The following PCDHGA5 variants were observed in gnomAD, a reference collection of about 807,000 sequenced individuals.
PCDHGA5 encodes the protein protocadherin gamma-A5.
Under a neutral mutation model 56.7 loss-of-function variants are expected in PCDHGA5, and 36 were observed. The ratio of observed to expected loss-of-function variants is 0.64; its 90% CI spans 0.49 to 0.84. The LOEUF is 0.84. PCDHGA5 is among the 40% of genes least tolerant of loss of function. The pLI is 0.00. For synonymous variants in PCDHGA5, 563 were observed against 520.2 expected (o/e 1.08, Z -1.12); for missense variants, 1,305 against 1,201.5 (o/e 1.09, Z -1.27).
chr5:141,501,453 C>T (rs567794395), intron 2 of PCDHGA5, among the ~76,000 whole-genome samples: 1 of 152,094 alleles, frequency 6.6e-6, no homozygotes, highest in Non-Finnish European at 1.5e-5. Flanking sequence ...TTTTACTTTT[C>T]ACTATTCCCC....
rs17097294 is a variant in PCDHGA5 at position 141,425,513 on chromosome 5, T to G, written c.2421+58762T>G. On this transcript the variant is annotated intron_variant, in intron 1 of 3. Coordinates refer to ENST00000518069, the MANE Select transcript of PCDHGA5 (RefSeq NM_018918.3). ...AGGCTATACCTTTATATTCTCTTTA[T>G]GATGAAACATGAAACAATAATCCTT... Among the ~76,000 whole-genome samples, 699 of 152,380 alleles carry G rather than the reference T, an allele frequency of 4.6e-3. 4 individuals carry two copies. The highest frequency in any genetic ancestry group is 0.015 in the African/African-American group (636 of 41,592).
At chr5:141,370,735 TA>T (rs762297700) in intron 1 of PCDHGA5, 1 of 1,613,926 alleles carries the variant, frequency 6.2e-7, no homozygotes, top group Non-Finnish European at 8.5e-7. Context: ...GAAAAGCCTT[TA>T]AACTTTTTTC....
rs145813962 is a variant in PCDHGA5 at position 141,377,375 on chromosome 5, G to A, written c.2421+10624G>A. 13 of 152,264 alleles carry A rather than the reference G, an allele frequency of 8.5e-5. No individual in the cohort carries two copies. The East Asian group carries it at 1.2e-3, about 14-fold the overall frequency. The allele number at this position is 152,264 out of a possible 1,614,324, so 9.4% of individuals were successfully genotyped here. ...AATCCCACCTCTTCAGGAGGCTGAG[G>A]CAGGAGGATCCCTTGAGACCAGGAG... On this transcript the variant is annotated intron_variant, in intron 1 of 3. Transcript: ENST00000518069.
chr5:141,410,774 C>G, intron 1 of PCDHGA5: 4 of 955,126 alleles, frequency 4.2e-6, no homozygotes, highest in Non-Finnish European at 5.8e-6. Context: ...ATAGTTTTCA[C>G]TATGTATTTG....
chr5:141,366,812 T>G (rs1459944909), intron 1 of PCDHGA5, 61 bp downstream of exon 1: 6 of 1,549,614 alleles, frequency 3.9e-6, no homozygotes, highest in Non-Finnish European at 4.4e-6. Context: ...TTTTTCATGT[T>G]TCTGTCATAT....
At chr5:141,405,567 G>A in intron 1 of PCDHGA5, 2 of 608,222 alleles carry the variant, frequency 3.3e-6, no homozygotes, top group Non-Finnish European at 5.8e-6. Context: ...TGGGACTAGA[G>A]TAGAGTAGCT....
chr5:141,435,591 T>G (rs1197622032), intron 1 of PCDHGA5, among the ~76,000 whole-genome samples: 1 of 152,206 alleles, frequency 6.6e-6, no homozygotes, highest in Admixed American at 6.5e-5. Flanking sequence ...TGCAGTAATA[T>G]CGCCTGCTTT....
rs766168062 is a variant in PCDHGA5, at chr5:141,491,124, G to A, written c.2422-3683G>A. ...TCGTGTCTACACACACTGGTGAGGT[G>A]CGCACAGCCCGGGCCTTACTGGAGG... On this transcript the variant is annotated intron_variant, in intron 1 of 3. Transcript: ENST00000518069. The surrounding 1 kb of genome is among the most constrained non-coding windows in gnomAD (Gnocchi z 6.9). 22 of 1,614,092 alleles carry A rather than the reference G, an allele frequency of 1.4e-5. No individual in the cohort carries two copies. The highest frequency in any genetic ancestry group is 3.3e-5 in the Admixed American group (2 of 60,004).
chr5:141,425,763 G>A (rs959881638), intron 1 of PCDHGA5, among the ~76,000 whole-genome samples: 3 of 152,164 alleles, frequency 2.0e-5, no homozygotes, highest in Non-Finnish European at 4.4e-5. Context: ...TCTACAACAG[G>A]AGAGAAGACT....
chr5:141,497,148 A>G (rs1436451953), intron 2 of PCDHGA5, among the ~76,000 whole-genome samples: 1 of 152,122 alleles, frequency 6.6e-6, no homozygotes, highest in Non-Finnish European at 1.5e-5. Context: ...ATCACGAAAA[A>G]AAAATAATCT....
Position 141,511,159 on chromosome 5 carries a change from AAGG to A in PCDHGA5, c.2785_2787del (p.Glu929del), listed in dbSNP as rs1477173987. 3 of 1,614,186 alleles carry A rather than the reference AAGG, an allele frequency of 1.9e-6. No individual in the cohort carries two copies. The highest frequency in any genetic ancestry group is 2.2e-5 in the East Asian group (1 of 44,872). On this transcript the variant is annotated inframe_deletion, in exon 4 of 4. Coordinates refer to ENST00000518069, the MANE Select transcript of PCDHGA5 (RefSeq NM_018918.3). ...TGGCAACAAGAAGAAGTCGGGCAAG[AAGG>A]AGAAGAAGTAACATGGAGGCCAGGC... is the stretch of plus-strand genomic sequence containing the variant.
In PCDHGA5 at chr5:141,409,721, G is replaced by A. The variant is rs892686024; in HGVS notation, c.2421+42970G>A. On this transcript the variant is annotated intron_variant, in intron 1 of 3. Transcript: ENST00000518069. ...CCTGGCGGTGTCGTCATACGTGTCA[G>A]TGAGCGCGCAGAGCGGGGTGGTGTT... The A allele has an allele frequency of 6.8e-6, 11 of 1,613,114 alleles. No homozygotes were observed. The highest frequency in any genetic ancestry group is 6.7e-5 in the East Asian group (3 of 44,892).
At chr5:141,456,949 C>A (rs1277351419) in intron 1 of PCDHGA5, among the ~76,000 whole-genome samples, 2 of 152,080 alleles carry the variant, frequency 1.3e-5, no homozygotes, top group East Asian at 3.9e-4. Flanking sequence ...GGCAACAGAG[C>A]AAAACTCCAT....
At chr5:141,482,667 G>C (rs2099569914) in intron 1 of PCDHGA5, among the ~76,000 whole-genome samples, 1 of 151,094 alleles carries the variant, frequency 6.6e-6, no homozygotes, top group Admixed American at 6.6e-5. Context: ...ATGATCTAAA[G>C]GTTGAGTAGT....
At chr5:141,458,103 T>TA (rs1401283935) in intron 1 of PCDHGA5, among the ~76,000 whole-genome samples, 2 of 152,212 alleles carry the variant, frequency 1.3e-5, no homozygotes, top group Non-Finnish European at 2.9e-5. Context: ...TACTTACAGA[T>TA]AGTCTCCAAA....
rs762414791 is a variant in PCDHGA5 at position 141,418,601 on chromosome 5, A to G, written c.2421+51850A>G. The G allele has an allele frequency of 3.5e-5, 57 of 1,613,930 alleles. No individual in the cohort carries two copies. The highest frequency in any genetic ancestry group is 1.7e-6 in the Non-Finnish European group (2 of 1,179,902). On this transcript the variant is annotated intron_variant, in intron 1 of 3. Coordinates refer to ENST00000518069, the MANE Select transcript of PCDHGA5 (RefSeq NM_018918.3). ...CCCAGTGTTCAGCCAGGACGTGTAC[A>G]GGGTTAGCCTTCGGGAAGACGTGCC...
intron 1 of PCDHGA5, chr5:141,403,328 A>G: frequency 1.8e-5 from 29 of 1,613,998 alleles, no homozygotes; most frequent in Non-Finnish European, 2.4e-5. Context: ...AGTAACTGAT[A>G]TTAACGACAG....
chr5:141,370,896 C>A, intron 1 of PCDHGA5: 1 of 1,614,040 alleles, frequency 6.2e-7, no homozygotes. Context: ...CAATTCGCTG[C>A]AGCAGTACTA....
At position 141,485,731 on chromosome 5, in the gene PCDHGA5, C is replaced by G; in HGVS notation, c.2422-9076C>G. 6.2e-7 allele frequency: 1 copy of G among 1,614,152 alleles called. No homozygotes were observed. Among genetic ancestry groups the G allele is most frequent in the Non-Finnish European group, 8.5e-7 (1 of 1,180,022 alleles). ...TTGCACTGGATGTGAAGAAGCGCAG[C>G]GACGGCAGCCTGGTCCCAGAGCTGC... On this transcript the variant is annotated intron_variant, in intron 1 of 3. Transcript: ENST00000518069. The surrounding 1 kb of genome is among the most constrained non-coding windows in gnomAD (Gnocchi z 5.7).
Sources: allele counts gnomAD v4.1 joint callset (sites outside exome capture counted in the v4.1 genomes callset), GRCh38; gene constraint gnomAD v4.1.1; non-coding constraint Gnocchi (gnomAD v3.1); transcripts MANE v1.5; gene names NCBI Gene and HGNC (gene_info 2026-07-23, HGNC 2026-07-21).